Variants in PCDHA6 observed in about 807,000 individuals in gnomAD.
PCDHA6 encodes the protein protocadherin alpha 6.
PCDHA6 carries 55 observed loss-of-function variants against 60.3 expected under a neutral mutation model. That is an observed-to-expected ratio of 0.91 (90% CI 0.73 to 1.14). PCDHA6 has a LOEUF of 1.14. Ranked by LOEUF, PCDHA6 falls within the 50% of genes most tolerant of loss-of-function variation. The pLI is 0.00. For missense variants in PCDHA6, 1,327 were observed against 1,256.5 expected, an observed-to-expected ratio of 1.06 and a Z score of -0.85; for synonymous variants, 652 against 557.9, an observed-to-expected ratio of 1.17 and a Z score of -2.38.
At chr5:140,839,307 C>A (rs1554137377) in intron 1 of PCDHA6, among the ~76,000 whole-genome samples, 1 of 151,838 alleles carries the variant, frequency 6.6e-6, no homozygotes, top group African/African-American at 2.4e-5. Flanking sequence ...TTTAAATATC[C>A]TATTTATATT....
chr5:140,966,161 CT>C, intron 1 of PCDHA6: 1 of 175,442 alleles, frequency 5.7e-6, no homozygotes. Context: ...GCTTGGAGAT[CT>C]TTTCCTGGGG....
chr5:140,935,108 A>G (rs1181696268), intron 1 of PCDHA6, among the ~76,000 whole-genome samples: 3 of 152,148 alleles, frequency 2.0e-5, no homozygotes, highest in Non-Finnish European at 4.4e-5. Context: ...TTTTTCAAAG[A>G]GCTTTCACTT....
At position 140,829,701 on chromosome 5, in the gene PCDHA6, C is replaced by G; in HGVS notation, c.1610C>G (p.Ala537Gly). ...GAGCTGCTGCAGTTTCAGGTGAGCG[C>G]GCGCGACGCGGGCGTGCCGCCTCTG... ...ELELLQFQVS[A>G]RDAGVPPLGS... The change falls in exon 1 of 4, where the codon GCG (alanine) becomes GGG (glycine). Residue 537 changes from alanine (A) to glycine (G), a missense_variant. Transcript: ENST00000529310. 1 of 1,613,356 alleles carries G rather than the reference C, an allele frequency of 6.2e-7. No homozygotes were observed. Among genetic ancestry groups the G allele is most frequent in the East Asian group, 2.2e-5 (1 of 44,874 alleles).
intron 1 of PCDHA6, among the ~76,000 whole-genome samples, chr5:140,886,288 A>T (rs1227734409): frequency 6.6e-6 from 1 of 151,870 alleles, no homozygotes; most frequent in Non-Finnish European, 1.5e-5. Flanking sequence ...AATTATTTTT[A>T]TATTTATTTA....
intron 1 of PCDHA6, chr5:140,966,770 G>C: frequency 2.0e-6 from 3 of 1,500,088 alleles, no homozygotes; most frequent in Non-Finnish European, 2.7e-6. Flanking sequence ...AGTGGCTATG[G>C]AGCAGGCGGG....
At chr5:140,993,917 A>G (rs779939413) in intron 3 of PCDHA6, among the ~76,000 whole-genome samples, 1 of 152,190 alleles carries the variant, frequency 6.6e-6, no homozygotes, top group Admixed American at 6.5e-5. Flanking sequence ...CTAGTGATGC[A>G]TTTCTCAGAA....
intron 1 of PCDHA6, chr5:140,876,322 A>G (rs146464308): frequency 6.2e-7 from 1 of 1,614,034 alleles, no homozygotes; most frequent in Non-Finnish European, 8.5e-7. Context: ...GATCAAAATG[A>G]TTTTGCCAGT....
At position 140,857,752 on chromosome 5, in the gene PCDHA6, C is replaced by G. The variant is rs7725388; in HGVS notation, c.2394+27267C>G. ...ACGCTCCCGCGCTGCTGGCGTCTCCCGCTGGCAGCGCGGGCGGTGCAGTCA... is the reference window on the plus strand; with the variant it reads ...ACGCTCCCGCGCTGCTGGCGTCTCCGGCTGGCAGCGCGGGCGGTGCAGTCA... On this transcript the variant is annotated intron_variant, in intron 1 of 3. Transcript: ENST00000529310. The G allele has an allele frequency of 4.5e-3, 7,184 of 1,597,166 alleles. 625 individuals are homozygous for G. The African/African-American group carries it at 0.078, about 17-fold the overall frequency.
At chr5:140,980,849 C>A (rs2096908252) in intron 2 of PCDHA6, among the ~76,000 whole-genome samples, 1 of 152,068 alleles carries the variant, frequency 6.6e-6, no homozygotes, top group Admixed American at 6.6e-5. Context: ...TAATACTAAT[C>A]TTTTTCGTAT....
chr5:140,991,086 T>C (rs2097431989), intron 3 of PCDHA6, among the ~76,000 whole-genome samples: 1 of 152,206 alleles, frequency 6.6e-6, no homozygotes, highest in African/African-American at 2.4e-5. Context: ...ATAAAAAAAT[T>C]AAAGCTCATA....
chr5:140,884,159 A>T, intron 1 of PCDHA6: 3 of 1,613,418 alleles, frequency 1.9e-6, no homozygotes, highest in Non-Finnish European at 2.5e-6. Context: ...CACTGGCGAG[A>T]TCAGCACGAC....
At position 140,845,294 on chromosome 5, in the gene PCDHA6, A is replaced by G. The variant is rs2150378014; in HGVS notation, c.2394+14809A>G. Among the ~76,000 whole-genome samples, 474 of 149,590 alleles carry G rather than the reference A, an allele frequency of 3.2e-3. 41 individuals are homozygous for G. The highest frequency in any genetic ancestry group is 5.1e-3 in the Non-Finnish European group (342 of 66,782). On this transcript the variant is annotated intron_variant, in intron 1 of 3. Transcript: ENST00000529310. Reference sequence around the variant, plus strand: ...GAAAGTAATATTTCCTATCCTGTCTATGTCTACCTGGTTCTCAGGTATTAC... The same window carrying G: ...GAAAGTAATATTTCCTATCCTGTCTGTGTCTACCTGGTTCTCAGGTATTAC...
chr5:140,832,712 T>C (rs1357328899), intron 1 of PCDHA6, among the ~76,000 whole-genome samples: 1 of 152,102 alleles, frequency 6.6e-6, no homozygotes. Flanking sequence ...ATTTAATAGA[T>C]AAATAAAGGT....
chr5:140,998,495 C>T (rs782386986), intron 3 of PCDHA6, among the ~76,000 whole-genome samples: 17 of 152,170 alleles, frequency 1.1e-4, no homozygotes, highest in Non-Finnish European at 1.9e-4. Context: ...TCTTTGAGAA[C>T]AGGGTACTTG....
At chr5:140,938,887 A>ACG (rs2092246756) in intron 1 of PCDHA6, among the ~76,000 whole-genome samples, 1 of 152,094 alleles carries the variant, frequency 6.6e-6, no homozygotes, top group South Asian at 2.1e-4. Flanking sequence ...ACACACACAC[A>ACG]CACAGATGCG....
At position 140,842,145 on chromosome 5, in the gene PCDHA6, G is replaced by A. The variant is rs2150330392; in HGVS notation, c.2394+11660G>A. On this transcript the variant is annotated intron_variant, in intron 1 of 3. Coordinates refer to ENST00000529310, the MANE Select transcript of PCDHA6 (RefSeq NM_018909.4). ...TCTGATCCGGATGAAGGAGCCAATGGGGCAATTTCATATTCTTTTAATAGC... is the reference window on the plus strand; with the variant it reads ...TCTGATCCGGATGAAGGAGCCAATGAGGCAATTTCATATTCTTTTAATAGC... The A allele has an allele frequency of 3.8e-5, 62 of 1,613,828 alleles. 1 individual carries two copies. The East Asian group carries it at 1.3e-3, about 35-fold the overall frequency.
chr5:140,857,925 A>T (rs1291686886), intron 1 of PCDHA6: 2 of 1,597,686 alleles, frequency 1.3e-6, no homozygotes, highest in Non-Finnish European at 1.7e-6. Flanking sequence ...GTGGGGCTGT[A>T]CACGGGCGAG....
intron 3 of PCDHA6, among the ~76,000 whole-genome samples, chr5:140,993,762 A>G (rs1019928055): frequency 2.6e-5 from 4 of 152,204 alleles, no homozygotes; most frequent in Non-Finnish European, 4.4e-5. Flanking sequence ...TTATATTACA[A>G]TTGCGCAGTA....
chr5:140,941,260 T>TCTTTCTTTCTTC (rs2092990214), intron 1 of PCDHA6, among the ~76,000 whole-genome samples: 2 of 138,280 alleles, frequency 1.4e-5, no homozygotes, highest in Admixed American at 1.5e-4. Flanking sequence ...TCTTTCTCTT[T>TCTTTCTTTCTTC]CTTTCTTTCT....
Sources: allele counts gnomAD v4.1 joint callset (sites outside exome capture counted in the v4.1 genomes callset), GRCh38; gene constraint gnomAD v4.1.1; transcripts MANE v1.5; gene names NCBI Gene and HGNC (gene_info 2026-07-23, HGNC 2026-07-21).